The following MYT1L variants were observed in gnomAD, a reference collection of about 807,000 sequenced individuals.
The protein encoded by MYT1L is myelin transcription factor 1 like.
A neutral mutation model predicts 126.7 loss-of-function variants in MYT1L; 12 were observed. The ratio of observed to expected loss-of-function variants is 0.09; its 90% CI spans 0.06 to 0.15. MYT1L has a LOEUF of 0.15. Among genes scored for constraint, MYT1L ranks in the 10% least tolerant of loss-of-function variants. MYT1L has a pLI of 1.00. For missense variants in MYT1L, 979 were observed against 1,585.2 expected, an observed-to-expected ratio of 0.62 and a Z score of 6.49; for synonymous variants, 541 against 604.2, an observed-to-expected ratio of 0.90 and a Z score of 1.53.
rs145921418 is a variant in MYT1L at position 1,864,647 on chromosome 2, G to A, written c.2712-12944C>T. Among the ~76,000 whole-genome samples the A allele has an allele frequency of 2.4e-3, 368 of 152,336 alleles. 2 individuals are homozygous for A. Among genetic ancestry groups the A allele is most frequent in the African/African-American group, 8.4e-3 (348 of 41,580 alleles). On this transcript the variant is annotated intron_variant, in intron 18 of 24. Coordinates refer to ENST00000647738, the MANE Select transcript of MYT1L (RefSeq NM_001303052.2). ...CGTTTATTCAGGGTCTGGGAGGGCA[G>A]GGCTGAGCCCGGATGGGAGGCACGG...
chr2:2,119,059 A>G (rs921369717), intron 3 of MYT1L, among the ~76,000 whole-genome samples: 2 of 152,246 alleles, frequency 1.3e-5, no homozygotes, highest in South Asian at 4.1e-4. Flanking sequence ...AAGATACAGA[A>G]TATCTCTAGC....
At chr2:2,218,539 T>C (rs1332904024) in intron 2 of MYT1L, among the ~76,000 whole-genome samples, 2 of 152,120 alleles carry the variant, frequency 1.3e-5, no homozygotes, top group Non-Finnish European at 2.9e-5. Context: ...AGAAAGCAGT[T>C]CCATGGTTGT....
At chr2:2,204,924 A>G (rs865986306) in intron 2 of MYT1L, among the ~76,000 whole-genome samples, 39 of 151,996 alleles carry the variant, frequency 2.6e-4, no homozygotes, top group Non-Finnish European at 5.0e-4. Flanking sequence ...ATGGAATACT[A>G]TGCAGCCATA....
intron 2 of MYT1L, among the ~76,000 whole-genome samples, chr2:2,183,947 G>T (rs1017738086): frequency 1.4e-5 from 2 of 147,286 alleles, no homozygotes; most frequent in African/African-American, 2.5e-5. Context: ...AAGGAAGGAA[G>T]GAAGAAAGGG....
chr2:2,138,707 G>C (rs1488821979), intron 3 of MYT1L, among the ~76,000 whole-genome samples: 2 of 101,284 alleles, frequency 2.0e-5, no homozygotes, highest in African/African-American at 7.6e-5. Flanking sequence ...GGTGGGGGGA[G>C]GGGGGAGGGA....
At chr2:2,295,589 C>CAGAGAG (rs1559583599) in intron 1 of MYT1L, among the ~76,000 whole-genome samples, 1 of 40,300 alleles carries the variant, frequency 2.5e-5, no homozygotes, top group Non-Finnish European at 5.4e-5. Flanking sequence ...GAGAGACAGA[C>CAGAGAG]AGACAGAGAG....
chr2:2,223,149 G>A (rs1030910777), intron 2 of MYT1L, among the ~76,000 whole-genome samples: 1 of 152,198 alleles, frequency 6.6e-6, no homozygotes, highest in Admixed American at 6.5e-5. Flanking sequence ...GAGCTAGACT[G>A]TTGACCACAG....
At position 2,142,336 on chromosome 2, in the gene MYT1L, C is replaced by CT. The variant is rs143115009; in HGVS notation, c.-304+30535dup. ...TCATAGCATTCTTCCTCCTACCATC[C>CT]TTTACATTAATTTTCTCATTATTTC... On this transcript the variant is annotated intron_variant, in intron 3 of 24. Coordinates refer to ENST00000647738, the MANE Select transcript of MYT1L (RefSeq NM_001303052.2). Among the ~76,000 whole-genome samples, 1,293 of 152,262 alleles carry CT rather than the reference C, an allele frequency of 8.5e-3. 18 individuals are homozygous for CT. The highest frequency in any genetic ancestry group is 0.029 in the African/African-American group (1,218 of 41,530).
In MYT1L at chr2:1,912,182, T is replaced by C. The variant is rs979731884; in HGVS notation, c.1619-72A>G. On this transcript the variant is annotated intron_variant, in intron 11 of 24. Coordinates refer to ENST00000647738, the MANE Select transcript of MYT1L (RefSeq NM_001303052.2). This position sits in a 1 kb window ranked among gnomAD's most constrained non-coding sequence, Gnocchi z 4.3. Reference sequence around the variant, plus strand: ...ACGGTTAGGGCACATGAAAATGCAGTCATTTAACAAAGGCCAGGTCGCTCA... The same window carrying C: ...ACGGTTAGGGCACATGAAAATGCAGCCATTTAACAAAGGCCAGGTCGCTCA... The C allele has an allele frequency of 6.2e-6, 7 of 1,125,530 alleles. No individual in the cohort carries two copies. In the African/African-American group the frequency reaches 9.3e-5, roughly 15 times the overall value. 69.7% of individuals were successfully genotyped at this position (1,125,530 alleles called of 1,614,324 possible).
intron 13 of MYT1L, among the ~76,000 whole-genome samples, chr2:1,904,442 C>T (rs1043818131): frequency 6.6e-6 from 1 of 152,118 alleles, no homozygotes; most frequent in Non-Finnish European, 1.5e-5. Flanking sequence ...GATCTCAGCT[C>T]ACTGCCACCC....
chr2:1,965,857 G>T (rs1262561597), intron 8 of MYT1L, among the ~76,000 whole-genome samples: 2 of 152,250 alleles, frequency 1.3e-5, no homozygotes, highest in African/African-American at 4.8e-5. Context: ...AGGGACTCAG[G>T]GAAAGGCTTT....
At chr2:2,270,457 CAGAT>C (rs1200755010) in intron 2 of MYT1L, among the ~76,000 whole-genome samples, 1 of 151,976 alleles carries the variant, frequency 6.6e-6, no homozygotes, top group Non-Finnish European at 1.5e-5. Flanking sequence ...TACCATGTGC[CAGAT>C]AGAGGGATGG....
At chr2:1,894,303 A>C (rs977073050) in intron 14 of MYT1L, among the ~76,000 whole-genome samples, 5 of 152,188 alleles carry the variant, frequency 3.3e-5, no homozygotes, top group Non-Finnish European at 5.9e-5. Flanking sequence ...CAAGGCCCAC[A>C]CCAGGGCCTT....
At chr2:2,048,126 G>C (rs150016539) in intron 4 of MYT1L, among the ~76,000 whole-genome samples, 27 of 152,242 alleles carry the variant, frequency 1.8e-4, no homozygotes, top group African/African-American at 6.0e-4. Context: ...TTCTCATTTT[G>C]TGAAGCGGGG....
At chr2:2,125,639 G>A (rs72767390) in intron 3 of MYT1L, among the ~76,000 whole-genome samples, 6,531 of 152,112 alleles carry the variant, frequency 0.043, 209 homozygotes, top group Non-Finnish European at 0.066. Context: ...GGCAAATTAG[G>A]GAGTAATTAG....
At chr2:2,202,740 G>C (rs1224762519) in intron 2 of MYT1L, among the ~76,000 whole-genome samples, 1 of 152,042 alleles carries the variant, frequency 6.6e-6, no homozygotes, top group African/African-American at 2.4e-5. Flanking sequence ...CCAATCAATA[G>C]AAAAAGAGGG....
chr2:2,139,267 A>G (rs2083571267), intron 3 of MYT1L, among the ~76,000 whole-genome samples: 1 of 152,126 alleles, frequency 6.6e-6, no homozygotes, highest in African/African-American at 2.4e-5. Context: ...ATGAAATTTC[A>G]TCTTCTTTAT....
At chr2:1,978,062 C>G (rs2060319469) in intron 8 of MYT1L, among the ~76,000 whole-genome samples, 1 of 152,174 alleles carries the variant, frequency 6.6e-6, no homozygotes, top group African/African-American at 2.4e-5. Context: ...CGTGGGGTCT[C>G]TCATTAGACA....
At chr2:2,095,153 G>T (rs944456350) in intron 3 of MYT1L, among the ~76,000 whole-genome samples, 2 of 152,246 alleles carry the variant, frequency 1.3e-5, no homozygotes, top group African/African-American at 4.8e-5. Flanking sequence ...GAAGCGCTGT[G>T]TCCCAGGGGG....
Sources: allele counts gnomAD v4.1 joint callset (sites outside exome capture counted in the v4.1 genomes callset), GRCh38; gene constraint gnomAD v4.1.1; non-coding constraint Gnocchi (gnomAD v3.1); transcripts MANE v1.5; gene names NCBI Gene and HGNC (gene_info 2026-07-23, HGNC 2026-07-21).